The following CLDN14 variants were observed in gnomAD, a reference collection of about 807,000 sequenced individuals.
The protein encoded by CLDN14 is claudin-14.
In CLDN14, 2 loss-of-function variants were observed where a neutral mutation model predicts 2.1. The ratio of observed to expected loss-of-function variants is 0.96; its 90% confidence interval spans 0.39 to 3.01. CLDN14 has a LOEUF of 3.01. Ranked by LOEUF, CLDN14 falls within the 30% of genes most tolerant of loss-of-function variation. The probability of loss-of-function intolerance (pLI) is 0.09; values close to 1 mark genes in which losing one functional copy is unlikely to be tolerated. For synonymous variants in CLDN14, 136 were observed against 154.4 expected, an observed-to-expected ratio of 0.88 and a Z score of 0.88; for missense variants, 298 against 328.0, an observed-to-expected ratio of 0.91 and a Z score of 0.71.
At chr21:36,565,864 A>G (rs1212792118) in intron 1 of CLDN14, among the ~76,000 whole-genome samples, 1 of 152,242 alleles carries the variant, frequency 6.6e-6, no homozygotes, top group African/African-American at 2.4e-5. Context: ...CAAGGAGCAG[A>G]GTCACAAGCT....
In CLDN14 at chr21:36,549,280, T is replaced by A. The variant is rs62222769; in HGVS notation, c.-220+27131A>T. 1.4e-3 allele frequency among the ~76,000 whole-genome samples: 127 copies of A among 90,466 alleles called. 1 individual carries two copies. Among genetic ancestry groups the A allele is most frequent in the Admixed American group, 2.1e-3 (19 of 9,052 alleles). 59.3% of individuals were successfully genotyped at this position (90,466 alleles called of 152,430 possible). A position where few individuals can be genotyped will look rare whatever the true frequency, so the allele number is the denominator to read the frequency against. On this transcript the variant is annotated intron_variant, in intron 1 of 2. Coordinates refer to the CLDN14 transcript ENST00000342108. ...TCATGTGTGCATTACACACACACTC[T>A]CTCTCTCTCTCTCTCTCCTCCCCAC...
At chr21:36,486,659 A>C (rs60605101) in intron 2 of CLDN14, 90,487 of 1,460,072 alleles carry the variant, frequency 0.062, 5,509 homozygotes, top group African/African-American at 0.31. Flanking sequence ...TTCTCTGTTC[A>C]CCTCCTCTTC....
chr21:36,518,306 A>C (rs569642980), intron 1 of CLDN14, among the ~76,000 whole-genome samples: 3 of 152,230 alleles, frequency 2.0e-5, no homozygotes, highest in Non-Finnish European at 2.9e-5. Context: ...TGCTAAAAAA[A>C]GTTCATACTT....
chr21:36,478,396 T>G (rs1364500884), intron 1 of CLDN14, among the ~76,000 whole-genome samples: 1 of 152,254 alleles, frequency 6.6e-6, no homozygotes, highest in Non-Finnish European at 1.5e-5. Context: ...CAGGAATGAC[T>G]GTCTACATAG....
At chr21:36,479,275 C>T (rs1028839327) in intron 1 of CLDN14, among the ~76,000 whole-genome samples, 16 of 152,168 alleles carry the variant, frequency 1.1e-4, no homozygotes, top group African/African-American at 3.9e-4. Context: ...CATTAGGAGC[C>T]TGGCTGCCCT....
chr21:36,495,826 T>G (rs58865958), intron 2 of CLDN14, among the ~76,000 whole-genome samples: 23,237 of 152,130 alleles, frequency 0.15, 1,999 homozygotes, highest in East Asian at 0.29. Flanking sequence ...ATTAGGGTGG[T>G]CCCTACACCA....
chr21:36,497,555 T>C (rs1000351953), intron 2 of CLDN14, among the ~76,000 whole-genome samples: 2 of 151,846 alleles, frequency 1.3e-5, no homozygotes, highest in African/African-American at 4.8e-5. Flanking sequence ...TTCAGCAAAC[T>C]CCAACAGGCC....
chr21:36,490,684 T>A (rs1005345492), intron 2 of CLDN14, among the ~76,000 whole-genome samples: 1 of 152,010 alleles, frequency 6.6e-6, no homozygotes. Flanking sequence ...CCACCATGCC[T>A]GGCCAAAAAA....
chr21:36,565,421 C>CTTT (rs35387904), intron 1 of CLDN14, among the ~76,000 whole-genome samples: 77 of 149,686 alleles, frequency 5.1e-4, no homozygotes, highest in South Asian at 1.5e-3. Context: ...TTTCCCAAAT[C>CTTT]TTTTTTTTTT....
chr21:36,472,423 G>A (rs2086721109), intron 1 of CLDN14, among the ~76,000 whole-genome samples: 1 of 152,200 alleles, frequency 6.6e-6, no homozygotes, highest in Non-Finnish European at 1.5e-5. Flanking sequence ...TGGGTTTGGA[G>A]GATGTGATGA....
At chr21:36,470,188 C>T (rs2146430561) in intron 1 of CLDN14, among the ~76,000 whole-genome samples, 1 of 152,202 alleles carries the variant, frequency 6.6e-6, no homozygotes, top group Non-Finnish European at 1.5e-5. Flanking sequence ...GACCTGGTCC[C>T]CCAAAAGAGA....
upstream of CLDN14, chr21:36,480,146 C>G (rs75853875): frequency 0.02 from 3,114 of 152,436 alleles, 45 homozygotes; most frequent in African/African-American, 0.039. Context: ...GCTTCTCAGC[C>G]TTTAGGCTGC....
intron 1 of CLDN14, among the ~76,000 whole-genome samples, chr21:36,548,207 C>A (rs868104358): frequency 1.8e-4 from 28 of 151,974 alleles, no homozygotes; most frequent in African/African-American, 6.8e-4. Context: ...GTAAGTCAAC[C>A]CCCCTCATGA....
At chr21:36,534,484 G>A (rs956204155) in intron 1 of CLDN14, among the ~76,000 whole-genome samples, 3 of 152,260 alleles carry the variant, frequency 2.0e-5, no homozygotes, top group Non-Finnish European at 2.9e-5. Flanking sequence ...ACAACTCCCC[G>A]TCACATCTTC....
rs1285073298 is a variant in CLDN14, at chr21:36,498,744, C to T, written c.-82+11619G>A. ...TCTCAGCTGGCCTTCAGCTCCAATA[C>T]AGACACGGGAAAACCAGTCTCAGTT... is the stretch of plus-strand genomic sequence containing the variant. On this transcript the variant is annotated intron_variant, in intron 2 of 2. Coordinates refer to the CLDN14 transcript ENST00000342108. This position sits in a 1 kb window ranked among gnomAD's most constrained non-coding sequence, Gnocchi z 4.9. 6.6e-6 allele frequency among the ~76,000 whole-genome samples: 1 copy of T among 152,186 alleles called. No individual in the cohort carries two copies. Among genetic ancestry groups the T allele is most frequent in the Admixed American group, 6.5e-5 (1 of 15,282 alleles).
chr21:36,500,550 A>G (rs942653298), intron 2 of CLDN14, among the ~76,000 whole-genome samples: 7 of 151,942 alleles, frequency 4.6e-5, no homozygotes, highest in Non-Finnish European at 1.0e-4. Flanking sequence ...TCCTGCTTCA[A>G]CCTCCCTAGT....
At chr21:36,529,327 C>G (rs112364933) in intron 1 of CLDN14, among the ~76,000 whole-genome samples, 1 of 151,906 alleles carries the variant, frequency 6.6e-6, no homozygotes, top group African/African-American at 2.4e-5. Flanking sequence ...CTCTGTCTGT[C>G]GCCCAGGCTA....
intron 1 of CLDN14, among the ~76,000 whole-genome samples, chr21:36,514,618 AGAAAGTGTGTGTGTGTGTGTGTGT>A (rs2087211849): frequency 2.2e-5 from 3 of 135,194 alleles, no homozygotes; most frequent in African/African-American, 9.1e-5. Flanking sequence ...TTATCGTGAG[AGAAAGTGTGTGTGTGTGTGTGTGT>A]GTGTGTGTGT....
chr21:36,489,206 GAA>G (rs1438035748), intron 2 of CLDN14, among the ~76,000 whole-genome samples: 1 of 120,302 alleles, frequency 8.3e-6, no homozygotes, highest in Admixed American at 8.0e-5. Flanking sequence ...GAGAGAGAGA[GAA>G]AGAGAGAGAG....
Sources: gnomAD v4.1 joint callset for allele counts (sites outside exome capture counted in the v4.1 genomes callset) on GRCh38, gnomAD v4.1.1 for gene constraint, Gnocchi (gnomAD v3.1) non-coding constraint, MANE v1.5 for transcripts, NCBI Gene and HGNC (gene_info 2026-07-23, HGNC 2026-07-21) for gene names.